Variants in PHLPP2 observed in about 807,000 individuals in gnomAD.
PHLPP2 encodes the protein PH domain leucine-rich repeat-containing protein phosphatase 2.
A neutral mutation model predicts 124.9 loss-of-function variants in PHLPP2; 66 were observed. That is an observed-to-expected ratio of 0.53 (90% CI 0.43 to 0.65). The LOEUF (loss-of-function observed/expected upper bound fraction) is 0.65. Ranked by LOEUF, PHLPP2 falls within the 30% of genes least tolerant of loss-of-function variation. The probability of loss-of-function intolerance (pLI) is 0.00; values close to 1 mark genes in which losing one functional copy is unlikely to be tolerated. For synonymous variants in PHLPP2, 681 were observed against 624.7 expected (o/e 1.09, Z -1.34); for missense variants, 1,685 against 1,600.4 (o/e 1.05, Z -0.90).
chr16:71,649,736 A>C lies in PHLPP2; in HGVS notation c.3126T>G (p.Cys1042Trp). 1 of 1,614,212 alleles carries C rather than the reference A, an allele frequency of 6.2e-7. No individual in the cohort carries two copies. Among genetic ancestry groups the C allele is most frequent in the Non-Finnish European group, 8.5e-7 (1 of 1,180,034 alleles). ...CTGGGAGGGTGAGCCCATTCATTTC[A>C]CAAGTGCAGCCTTCCTCACCAATAT... is the stretch of plus-strand genomic sequence containing the variant. The part of the protein sequence containing the change: ...YLNIGEEGCT[C>W]EMNGLTLPGP... The change falls in exon 19 of 19, where the codon TGT (cysteine) becomes TGG (tryptophan). Residue 1042 changes from cysteine to tryptophan, a missense_variant. Transcript: ENST00000568954.
chr16:71,672,476 T>G (rs911359932), intron 9 of PHLPP2, among the ~76,000 whole-genome samples, 154 bp from the exon 10 acceptor site: 4 of 152,248 alleles, frequency 2.6e-5, no homozygotes, highest in Non-Finnish European at 5.9e-5. Context: ...AAAACTCACT[T>G]TGACTAACTG....
chr16:71,648,739 C>A lies in PHLPP2; in HGVS notation c.*151G>T. On this transcript the variant is annotated 3_prime_UTR_variant, in exon 19 of 19. Coordinates refer to ENST00000568954, the MANE Select transcript of PHLPP2 (RefSeq NM_015020.3). ...TGACCCGAGACCCCACCATTGCACT[C>A]CAGCCTGAGCGACTGAGCAAGACTC... is the stretch of plus-strand genomic sequence containing the variant. The A allele has an allele frequency of 4.7e-6, 3 of 641,798 alleles. No homozygotes were observed. Among genetic ancestry groups the A allele is most frequent in the African/African-American group, 1.8e-5 (1 of 54,896 alleles). 39.8% of individuals were successfully genotyped at this position (641,798 alleles called of 1,614,324 possible).
intron 2 of PHLPP2, among the ~76,000 whole-genome samples, chr16:71,704,229 T>C (rs894456885): frequency 6.8e-6 from 1 of 146,230 alleles, no homozygotes; most frequent in African/African-American, 2.6e-5. Flanking sequence ...GAGAATGGCA[T>C]GAACCTGGGA....
rs1399793670 is a variant in PHLPP2, at chr16:71,691,231, T to G, written c.419-522A>C. ...CACTTTGGGGGGGCCAAGGCGGGCA[T>G]ATCACAAGGTCAGGAGATCGAGACC... On this transcript the variant is annotated intron_variant, in intron 3 of 18. Transcript: ENST00000568954. 3.3e-5 allele frequency among the ~76,000 whole-genome samples: 5 copies of G among 152,182 alleles called. No individual in the cohort carries two copies. In the East Asian group the frequency reaches 5.8e-4, roughly 18 times the overall value.
intron 17 of PHLPP2, 78 bp from the exon 18 acceptor site, chr16:71,653,099 CTTTTTTTTTTT>C (rs11298836): frequency 3.7e-6 from 2 of 547,606 alleles, no homozygotes; most frequent in Admixed American, 3.2e-5. Context: ...TACATCCCTT[CTTTTTTTTTTT>C]TTTTTTTTTT....
chr16:71,672,810 G>A (rs561699505), intron 9 of PHLPP2, among the ~76,000 whole-genome samples: 20 of 152,300 alleles, frequency 1.3e-4, no homozygotes, highest in Non-Finnish European at 2.2e-4. Flanking sequence ...CCCTCAAGGA[G>A]TCCTGACTCC....
chr16:71,698,892 C>A (rs12926987), intron 3 of PHLPP2, among the ~76,000 whole-genome samples: 5 of 152,122 alleles, frequency 3.3e-5, no homozygotes, highest in African/African-American at 1.2e-4. Context: ...GACTGGGACA[C>A]TACCCAGTGT....
At chr16:71,698,683 T>G in intron 3 of PHLPP2, 2 of 488,026 alleles carry the variant, frequency 4.1e-6, no homozygotes, top group Non-Finnish European at 7.7e-6. Flanking sequence ...AGGAACTCAG[T>G]TGGCTTAACT....
At chr16:71,650,458 G>T (rs151272711) in intron 18 of PHLPP2, among the ~76,000 whole-genome samples, 1 of 152,294 alleles carries the variant, frequency 6.6e-6, no homozygotes, top group Non-Finnish European at 1.5e-5. Flanking sequence ...TGTCAGCTGG[G>T]ACTGAAAAGA....
intron 3 of PHLPP2, chr16:71,698,800 G>A (rs1448193827): frequency 8.6e-6 from 2 of 233,604 alleles, no homozygotes; most frequent in Non-Finnish European, 1.7e-5. Context: ...TCATGAATTC[G>A]AACTGAGAGA....
chr16:71,661,860 G>A (rs1032910187), intron 13 of PHLPP2, among the ~76,000 whole-genome samples: 16 of 151,854 alleles, frequency 1.1e-4, no homozygotes, highest in South Asian at 8.3e-4. Context: ...GTCTTGCTCC[G>A]TTGCCAGGTT....
chr16:71,671,863 G>A (rs1343356461), intron 10 of PHLPP2, among the ~76,000 whole-genome samples: 2 of 151,874 alleles, frequency 1.3e-5, no homozygotes, highest in Admixed American at 6.6e-5. Flanking sequence ...GCAGCGAGCC[G>A]AGATCACGCC....
chr16:71,651,220 C>T (rs1024038069), intron 18 of PHLPP2, among the ~76,000 whole-genome samples: 2 of 152,084 alleles, frequency 1.3e-5, no homozygotes, highest in African/African-American at 4.8e-5. Context: ...TGCCTATAGT[C>T]CCAGCTACTC....
At chr16:71,650,675 A>T (rs1393954205) in intron 18 of PHLPP2, among the ~76,000 whole-genome samples, 1 of 152,230 alleles carries the variant, frequency 6.6e-6, no homozygotes, top group Non-Finnish European at 1.5e-5. Context: ...GGGAATGCTC[A>T]CAAGCCAGAC....
chr16:71,715,823 CA>C (rs71153656), intron 1 of PHLPP2, among the ~76,000 whole-genome samples: 58,816 of 112,940 alleles, frequency 0.52, 12,713 homozygotes, highest in Middle Eastern at 0.68. Flanking sequence ...ACTAAAAATA[CA>C]AAAAAAAAAA....
intron 3 of PHLPP2, among the ~76,000 whole-genome samples, chr16:71,700,786 A>G (rs1366046217): frequency 1.3e-5 from 2 of 151,912 alleles, no homozygotes; most frequent in South Asian, 2.1e-4. Flanking sequence ...CAGCCTCCCA[A>G]AGTGCTGGGA....
chr16:71,658,893 C>G (rs1369751854), intron 13 of PHLPP2, 78 bp from the exon 14 acceptor site: 11 of 1,345,058 alleles, frequency 8.2e-6, no homozygotes, highest in Non-Finnish European at 1.2e-5. Context: ...ACAGCAGCCA[C>G]AGAGTACAGA....
rs2044669843 is a variant in PHLPP2, at chr16:71,648,623, T to C, written c.*267A>G. ...CGTCTCTAAAAAAAAAAAATAAAAC[T>C]TAGCCGGGCATAATGGCAGGTGCCT... is the stretch of plus-strand genomic sequence containing the variant. On this transcript the variant is annotated 3_prime_UTR_variant, in exon 19 of 19. Coordinates refer to ENST00000568954, the MANE Select transcript of PHLPP2 (RefSeq NM_015020.3). 8.9e-6 allele frequency: 4 copies of C among 451,584 alleles called. No homozygotes were observed. In the East Asian group the frequency reaches 1.4e-4, roughly 15 times the overall value. 28.0% of individuals were successfully genotyped at this position (451,584 alleles called of 1,614,324 possible). A position where few individuals can be genotyped will look rare whatever the true frequency, so the allele number is the denominator to read the frequency against.
Position 71,644,949 on chromosome 16 carries a change from T to G in PHLPP2, c.*3941A>C. 1 of 318,790 alleles carries G rather than the reference T, an allele frequency of 3.1e-6. No homozygotes were observed. Among genetic ancestry groups the G allele is most frequent in the South Asian group, 2.5e-5 (1 of 40,300 alleles). The allele number at this position is 318,790 out of a possible 1,614,324, so 19.7% of individuals were successfully genotyped here. On this transcript the variant is annotated 3_prime_UTR_variant, in exon 19 of 19. Transcript: ENST00000568954. ...TTTTAAAACAAAGCCATGAAAAAGA[T>G]TCCACTTTATTTTATTTATTATTGT...
Sources: allele counts gnomAD v4.1 joint callset (sites outside exome capture counted in the v4.1 genomes callset), GRCh38; gene constraint gnomAD v4.1.1; transcripts MANE v1.5; gene names NCBI Gene and HGNC (gene_info 2026-07-23, HGNC 2026-07-21).